NEK10: variants seen among roughly 807,000 people sequenced by gnomAD.
NEK10 encodes NIMA related kinase 10.
In NEK10, 122 loss-of-function variants were observed where a neutral mutation model predicts 159.8. The observed-to-expected ratio is 0.76, with a 90% CI of 0.66 to 0.89. The LOEUF (loss-of-function observed/expected upper bound fraction) is 0.89. Among genes scored for constraint, NEK10 ranks in the 40% least tolerant of loss-of-function variants. The probability of loss-of-function intolerance (pLI) is 0.00; values close to 1 mark genes in which losing one functional copy is unlikely to be tolerated. For synonymous variants in NEK10, 466 were observed against 457.1 expected (o/e 1.02, Z -0.25); for missense variants, 1,342 against 1,323.1 (o/e 1.01, Z -0.22).
At chr3:27,167,650 C>T (rs1230387517) in intron 29 of NEK10, among the ~76,000 whole-genome samples, 1 of 152,216 alleles carries the variant, frequency 6.6e-6, no homozygotes, top group African/African-American at 2.4e-5. Context: ...CAAGCCCATT[C>T]TTAATGCCTT....
chr3:27,146,869 C>T (rs1944347711), intron 30 of NEK10, among the ~76,000 whole-genome samples: 1 of 152,094 alleles, frequency 6.6e-6, no homozygotes, highest in South Asian at 2.1e-4. Context: ...GTGAAGTCAG[C>T]TAAGTGAGGG....
In NEK10 at chr3:27,192,206, A is replaced by G. The variant is rs1467379316; in HGVS notation, c.2328T>C (p.Ile776=). The change falls in exon 26 of 36, where the codon ATT becomes ATC. Residue 776 remains isoleucine, a synonymous_variant. Transcript: ENST00000691995. ...LTPDAEARPD[I]VEVSSMISDV... ...CTGATATCATCGAACTGACTTCTAC[A>G]ATATCTGGACGAGCTTCCGCATCAG... 10 of 1,614,080 alleles carry G rather than the reference A, an allele frequency of 6.2e-6. No individual in the cohort carries two copies. Among genetic ancestry groups the G allele is most frequent in the Non-Finnish European group, 8.5e-6 (10 of 1,180,020 alleles).
chr3:27,197,919 A>G (rs1949705504), intron 25 of NEK10, among the ~76,000 whole-genome samples: 1 of 152,072 alleles, frequency 6.6e-6, no homozygotes, highest in African/African-American at 2.4e-5. Flanking sequence ...TACTATGTTG[A>G]AGTATTGTCT....
rs572029671 is a variant in NEK10, at chr3:27,109,362, G to T, written c.*1910C>A. Among the ~76,000 whole-genome samples the T allele has an allele frequency of 2.1e-4, 28 of 136,432 alleles. 1 individual carries two copies. The South Asian group carries it at 5.7e-3, about 28-fold the overall frequency. 89.5% of individuals were successfully genotyped at this position (136,432 alleles called of 152,430 possible). A position where few individuals can be genotyped will look rare whatever the true frequency, so the allele number is the denominator to read the frequency against. ...CCATTGCACTCAAGCCTGGGCAACA[G>T]AGTGAGACTCTGTCTTAAAAAAAAA... On this transcript the variant is annotated 3_prime_UTR_variant, in exon 36 of 36. Coordinates refer to ENST00000691995, the MANE Select transcript of NEK10 (RefSeq NM_001394966.1).
At position 27,287,779 on chromosome 3, in the gene NEK10, G is replaced by C. The variant is rs369257180; in HGVS notation, c.1744-36C>G. The C allele has an allele frequency of 4.7e-6, 7 of 1,487,794 alleles. No individual in the cohort carries two copies. The African/African-American group carries it at 1.0e-4, about 22-fold the overall frequency. The allele number at this position is 1,487,794 out of a possible 1,614,324, so 92.2% of individuals were successfully genotyped here. ...ATAAATAACAAACATGTATTGCACT[G>C]CTTCAAAATACAAGTTTTTTCACTG... On this transcript the variant is annotated intron_variant, in intron 19 of 35. Coordinates refer to ENST00000691995, the MANE Select transcript of NEK10 (RefSeq NM_001394966.1).
At chr3:27,234,118 C>T (rs1270298453) in intron 23 of NEK10, among the ~76,000 whole-genome samples, 1 of 151,946 alleles carries the variant, frequency 6.6e-6, no homozygotes, top group Admixed American at 6.6e-5. Flanking sequence ...AAGAAACACA[C>T]CTCAAAATAG....
chr3:27,136,742 C>T (rs1052849134), intron 31 of NEK10, among the ~76,000 whole-genome samples: 1 of 152,162 alleles, frequency 6.6e-6, no homozygotes, highest in Non-Finnish European at 1.5e-5. Flanking sequence ...AACATCCTGC[C>T]TTCTAAAATA....
chr3:27,202,605 G>A (rs1414752210), intron 23 of NEK10, 48 bp from the exon 24 acceptor site: 21 of 1,425,054 alleles, frequency 1.5e-5, no homozygotes, highest in Admixed American at 2.3e-5. Flanking sequence ...GGGAGAATCC[G>A]CTCAGAAAGA....
At chr3:27,285,437 C>T (rs150122123) in intron 20 of NEK10, among the ~76,000 whole-genome samples, 156 of 151,532 alleles carry the variant, frequency 1.0e-3, no homozygotes, top group African/African-American at 3.7e-3. Flanking sequence ...CAGAATTTTA[C>T]ACTGGAATAA....
intron 22 of NEK10, among the ~76,000 whole-genome samples, chr3:27,263,162 G>C (rs1010997700): frequency 6.6e-6 from 1 of 152,222 alleles, no homozygotes; most frequent in Non-Finnish European, 1.5e-5. Context: ...GTTGCTGCCT[G>C]ATTATTCCTC....
intron 23 of NEK10, among the ~76,000 whole-genome samples, chr3:27,203,907 T>C (rs559181448): frequency 1.3e-5 from 2 of 152,296 alleles, no homozygotes; most frequent in South Asian, 2.1e-4. Context: ...AATACGGAAA[T>C]GGGGGAATTG....
At chr3:27,234,414 A>C (rs1295421642) in intron 23 of NEK10, among the ~76,000 whole-genome samples, 1 of 152,190 alleles carries the variant, frequency 6.6e-6, no homozygotes, top group Non-Finnish European at 1.5e-5. Context: ...ACTTCAGCAA[A>C]GTCTCAGGAT....
At chr3:27,179,799 G>T (rs1947885949) in intron 26 of NEK10, among the ~76,000 whole-genome samples, 1 of 152,162 alleles carries the variant, frequency 6.6e-6, no homozygotes, top group Admixed American at 6.5e-5. Flanking sequence ...AAACAATGGG[G>T]GCTGGGCGTG....
chr3:27,124,869 T>C (rs1046404634), intron 32 of NEK10, among the ~76,000 whole-genome samples: 3 of 152,162 alleles, frequency 2.0e-5, no homozygotes, highest in African/African-American at 7.2e-5. Context: ...AATGGCTAGA[T>C]GAGGCCATGA....
At chr3:27,212,365 T>A (rs1393820509) in intron 23 of NEK10, among the ~76,000 whole-genome samples, 1 of 89,322 alleles carries the variant, frequency 1.1e-5, no homozygotes, top group African/African-American at 3.3e-5. Flanking sequence ...CTGCACAAAC[T>A]AGATCCTAAA....
chr3:27,258,399 T>A (rs993218978), intron 22 of NEK10, among the ~76,000 whole-genome samples: 9 of 124,404 alleles, frequency 7.2e-5, no homozygotes, highest in African/African-American at 2.7e-4. Context: ...GGCCCTGGTG[T>A]GTGATGTTCC....
At chr3:27,262,578 C>A (rs550832113) in intron 22 of NEK10, among the ~76,000 whole-genome samples, 1 of 152,270 alleles carries the variant, frequency 6.6e-6, no homozygotes, top group South Asian at 2.1e-4. Flanking sequence ...TCATTTCATT[C>A]ATTTGATCTT....
At chr3:27,334,730 T>C (rs2046674894) in intron 5 of NEK10, among the ~76,000 whole-genome samples, 1 of 152,262 alleles carries the variant, frequency 6.6e-6, no homozygotes, top group East Asian at 1.9e-4. Flanking sequence ...AGATTCATCC[T>C]CAGGAAAAAA....
chr3:27,186,242 T>C (rs905718676), intron 26 of NEK10, among the ~76,000 whole-genome samples: 13 of 152,246 alleles, frequency 8.5e-5, no homozygotes, highest in Non-Finnish European at 1.5e-4. Context: ...ATATTTTGCC[T>C]TCGCAGAAAA....
Sources: gnomAD v4.1 joint callset for allele counts (sites outside exome capture counted in the v4.1 genomes callset) on GRCh38, gnomAD v4.1.1 for gene constraint, MANE v1.5 for transcripts, NCBI Gene and HGNC (gene_info 2026-07-23, HGNC 2026-07-21) for gene names.